Variants in DAZAP1 observed in about 807,000 individuals in gnomAD.
DAZAP1 encodes DAZ-associated protein 1.
Under a neutral mutation model 60.1 loss-of-function variants are expected in DAZAP1, and 6 were observed. That is an observed-to-expected ratio of 0.10 (90% CI 0.05 to 0.20). The LOEUF (loss-of-function observed/expected upper bound fraction) is 0.20, where lower values mean the gene tolerates loss of function less well. DAZAP1 is among the 10% of genes least tolerant of loss of function. The pLI is 1.00. For missense variants in DAZAP1, 366 were observed against 560.4 expected, an observed-to-expected ratio of 0.65 and a Z score of 3.50; for synonymous variants, 235 against 215.9, an observed-to-expected ratio of 1.09 and a Z score of -0.78.
intron 1 of DAZAP1, chr19:1,417,097 A>G (rs1395322953): frequency 9.0e-6 from 2 of 221,826 alleles, no homozygotes. Flanking sequence ...ACTGTGCATC[A>G]TTTCAGATGT....
At position 1,418,958 on chromosome 19, in the gene DAZAP1, C is replaced by T. The variant is rs907910822; in HGVS notation, c.303+227C>T. On this transcript the variant is annotated intron_variant, in intron 4 of 11. Transcript: ENST00000233078. This position sits in a 1 kb window ranked among gnomAD's most constrained non-coding sequence, Gnocchi z 5.7. ...CTTAGGGAAAAAAAAAATGACAGCT[C>T]ATGCCACTGATTATCAGGAGCCAGT... 6.6e-6 allele frequency among the ~76,000 whole-genome samples: 1 copy of T among 152,150 alleles called. No homozygotes were observed. The highest frequency in any genetic ancestry group is 1.5e-5 in the Non-Finnish European group (1 of 68,032).
chr19:1,421,074 T>G, intron 4 of DAZAP1, 74 bp from the exon 5 acceptor site: 1 of 1,382,828 alleles, frequency 7.2e-7, no homozygotes, highest in Non-Finnish European at 1.0e-6. Context: ...GGATTGGCCT[T>G]TATGTCCTCC....
chr19:1,422,311 C>G lies in DAZAP1; in HGVS notation c.415-37C>G, dbSNP rs2083181085. The G allele has an allele frequency of 1.9e-6, 3 of 1,603,002 alleles. No individual in the cohort carries two copies. In the Admixed American group the frequency reaches 5.0e-5, roughly 27 times the overall value. The stretch of plus-strand genomic sequence containing the variant: ...CTCGGAAGACCACCTGTGGTGCTGG[C>G]CCTGGTGTCCGTGCTGACGCCACCC... On this transcript the variant is annotated intron_variant, in intron 5 of 11. Transcript: ENST00000233078. This position sits in a 1 kb window ranked among gnomAD's most constrained non-coding sequence, Gnocchi z 4.5.
rs555021545 is a variant in DAZAP1 at position 1,432,329 on chromosome 19, G to C, written c.872-185G>C. On this transcript the variant is annotated intron_variant, in intron 10 of 11. Transcript: ENST00000233078. This position sits in a 1 kb window ranked among gnomAD's most constrained non-coding sequence, Gnocchi z 4.9. ...CGCTCCCAGGAGTGTGTGTTTCCTG[G>C]GGGGAGCGGCCCGGGACCGTGGCTC... is the stretch of plus-strand genomic sequence containing the variant. 3.0e-5 allele frequency: 20 copies of C among 656,380 alleles called. No homozygotes were observed. The highest frequency in any genetic ancestry group is 1.3e-4 in the East Asian group (5 of 37,556). 40.7% of individuals were successfully genotyped at this position (656,380 alleles called of 1,614,324 possible).
Position 1,434,496 on chromosome 19 carries a change from A to G in DAZAP1, c.1049-241A>G, listed in dbSNP as rs1014222771. 1.2e-5 allele frequency: 6 copies of G among 489,686 alleles called. No individual in the cohort carries two copies. The highest frequency in any genetic ancestry group is 2.2e-5 in the Non-Finnish European group (6 of 274,952). The allele number at this position is 489,686 out of a possible 1,614,324, so 30.3% of individuals were successfully genotyped here. On this transcript the variant is annotated intron_variant, in intron 11 of 11. Coordinates refer to ENST00000233078, the MANE Select transcript of DAZAP1 (RefSeq NM_018959.4). The surrounding 1 kb of genome is among the most constrained non-coding windows in gnomAD (Gnocchi z 8.0). Reference sequence around the variant, plus strand: ...GGGAAGCGGTGAGGTTACGTGGGCCATGGAGGGCTCTGGAAGCCGCTTTTC... The same window carrying G: ...GGGAAGCGGTGAGGTTACGTGGGCCGTGGAGGGCTCTGGAAGCCGCTTTTC...
chr19:1,431,886 C>T (rs1357031227), intron 10 of DAZAP1, among the ~76,000 whole-genome samples: 5 of 152,132 alleles, frequency 3.3e-5, no homozygotes, highest in African/African-American at 1.2e-4. Flanking sequence ...ACAATTGGGG[C>T]ATATCACAGT....
rs2082996517 is a variant in DAZAP1 at position 1,416,770 on chromosome 19, T to C, written c.30-730T>C. 6.6e-6 allele frequency: 1 copy of C among 152,508 alleles called. No individual in the cohort carries two copies. The highest frequency in any genetic ancestry group is 2.1e-4 in the South Asian group (1 of 4,858). 9.4% of individuals were successfully genotyped at this position (152,508 alleles called of 1,614,324 possible). ...CGCCTTGGGAGAGCTCCAGCTCTTCTGCCCGGAGGAGACAGCCCCAGGACG... is the reference window on the plus strand; with the variant it reads ...CGCCTTGGGAGAGCTCCAGCTCTTCCGCCCGGAGGAGACAGCCCCAGGACG... On this transcript the variant is annotated intron_variant, in intron 1 of 11. Transcript: ENST00000233078. The surrounding 1 kb of genome is among the most constrained non-coding windows in gnomAD (Gnocchi z 4.3).
Position 1,425,037 on chromosome 19 carries a change from T to A in DAZAP1, c.464-841T>A, listed in dbSNP as rs1188427633. Among the ~76,000 whole-genome samples, 1 of 152,158 alleles carries A rather than the reference T, an allele frequency of 6.6e-6. No individual in the cohort carries two copies. Among genetic ancestry groups the A allele is most frequent in the Non-Finnish European group, 1.5e-5 (1 of 68,006 alleles). ...ACTCTTGTGTTTGGGAAATGCTAAA[T>A]TTTTTTTGCCTTTAAAATTTTCTGT... On this transcript the variant is annotated intron_variant, in intron 6 of 11. Transcript: ENST00000233078. The surrounding 1 kb of genome is among the most constrained non-coding windows in gnomAD (Gnocchi z 5.4).
Position 1,408,287 on chromosome 19 carries a change from G to C in DAZAP1, c.29+485G>C, listed in dbSNP as rs574230126. Among the ~76,000 whole-genome samples, 6 of 152,062 alleles carry C rather than the reference G, an allele frequency of 3.9e-5. No individual in the cohort carries two copies. The South Asian group carries it at 1.2e-3, about 32-fold the overall frequency. ...GAGCGTCCCCGTTGCCGCCTGTAGG[G>C]CTTCCTGGCCTGGGGGACCCCGAAT... On this transcript the variant is annotated intron_variant, in intron 1 of 11. Transcript: ENST00000233078.
chr19:1,408,559 G>T (rs1174031401), intron 1 of DAZAP1, among the ~76,000 whole-genome samples: 2 of 152,150 alleles, frequency 1.3e-5, no homozygotes, highest in African/African-American at 2.4e-5. Context: ...TGGTAAGGTC[G>T]GGAGGGGTTC....
rs951975422 is a variant in DAZAP1 at position 1,408,250 on chromosome 19, T to TG, written c.29+455dup. On this transcript the variant is annotated intron_variant, in intron 1 of 11. Coordinates refer to ENST00000233078, the MANE Select transcript of DAZAP1 (RefSeq NM_018959.4). ...GTTGTGGCGGCCCCGAACGGGAACTTGGGGGGGTCTGGAGCGTCCCCGTTG... is the reference window on the plus strand; with the variant it reads ...GTTGTGGCGGCCCCGAACGGGAACTTGGGGGGGGTCTGGAGCGTCCCCGTTG... Among the ~76,000 whole-genome samples the TG allele has an allele frequency of 9.2e-5, 14 of 151,890 alleles. No homozygotes were observed. The South Asian group carries it at 2.1e-3, about 23-fold the overall frequency.
chr19:1,428,784 AGGGAAGGGGGTGCT>A lies in DAZAP1; in HGVS notation c.547-53_547-40del. The A allele has an allele frequency of 6.2e-7, 1 of 1,605,040 alleles. No homozygotes were observed. The highest frequency in any genetic ancestry group is 1.3e-5 in the African/African-American group (1 of 74,754). ...ATAAGTTACCCGAGGGTGTGTCTAA[AGGGAAGGGGGTGCT>A]GGGACCCGCAGCCTCGCCCTAAACC... On this transcript the variant is annotated intron_variant, in intron 7 of 11. Transcript: ENST00000233078. This position sits in a 1 kb window ranked among gnomAD's most constrained non-coding sequence, Gnocchi z 4.0.
intron 2 of DAZAP1, 23 bp downstream of exon 2, chr19:1,417,563 GTGGGTACTGCAGA>G (rs2083023974): frequency 6.3e-7 from 1 of 1,598,784 alleles, no homozygotes; most frequent in Non-Finnish European, 8.5e-7. Flanking sequence ...GGGGTGTCAG[GTGGGTACTGCAGA>G]TGGGCTCTAG....
chr19:1,409,216 C>A (rs1384729047), intron 1 of DAZAP1, among the ~76,000 whole-genome samples: 1 of 152,196 alleles, frequency 6.6e-6, no homozygotes, highest in Non-Finnish European at 1.5e-5. Flanking sequence ...AGGGATGGGC[C>A]TGAGCAGGGA....
chr19:1,434,146 G>A lies in DAZAP1; in HGVS notation c.1049-591G>A, dbSNP rs2083531801. On this transcript the variant is annotated intron_variant, in intron 11 of 11. Transcript: ENST00000233078. The surrounding 1 kb of genome is among the most constrained non-coding windows in gnomAD (Gnocchi z 8.0). ...AGACACCGCTGTCCATGCTCCTGAGGTCGGCTGTGTGGGCCGGACGGGCTG... is the reference window on the plus strand; with the variant it reads ...AGACACCGCTGTCCATGCTCCTGAGATCGGCTGTGTGGGCCGGACGGGCTG... 2 of 333,812 alleles carry A rather than the reference G, an allele frequency of 6.0e-6. No homozygotes were observed. Among genetic ancestry groups the A allele is most frequent in the Non-Finnish European group, 1.1e-5 (2 of 178,870 alleles). 20.7% of individuals were successfully genotyped at this position (333,812 alleles called of 1,614,324 possible).
chr19:1,417,662 C>G, intron 2 of DAZAP1, 122 bp downstream of exon 2: 1 of 937,766 alleles, frequency 1.1e-6, no homozygotes, highest in Non-Finnish European at 1.6e-6. Context: ...TGACGTTGTT[C>G]TGATTTCTGG....
chr19:1,414,971 C>T (rs956563105), intron 1 of DAZAP1, among the ~76,000 whole-genome samples: 5 of 151,930 alleles, frequency 3.3e-5, no homozygotes, highest in African/African-American at 1.2e-4. Flanking sequence ...CAGGTGCCTG[C>T]CACCACCTGG....
At position 1,435,296 on chromosome 19, in the gene DAZAP1, AAG is replaced by A. The variant is rs1314606037; in HGVS notation, c.*388_*389del. 1 of 153,362 alleles carries A rather than the reference AAG, an allele frequency of 6.5e-6. No individual in the cohort carries two copies. Among genetic ancestry groups the A allele is most frequent in the Non-Finnish European group, 1.5e-5 (1 of 68,632 alleles). 9.5% of individuals were successfully genotyped at this position (153,362 alleles called of 1,614,324 possible). A position where few individuals can be genotyped will look rare whatever the true frequency, so the allele number is the denominator to read the frequency against. On this transcript the variant is annotated 3_prime_UTR_variant, in exon 12 of 12. Transcript: ENST00000233078. ...TACATTTACAAATTGTGAGATTTTT[AAG>A]AGAAATTTTCTACGATGTATACTGG...
chr19:1,417,040 CG>C, intron 1 of DAZAP1: 1 of 180,220 alleles, frequency 5.5e-6, no homozygotes, highest in South Asian at 1.1e-4. Context: ...CCCCCACCCC[CG>C]CCCCAGGCTG....
Sources: gnomAD v4.1 joint callset for allele counts (sites outside exome capture counted in the v4.1 genomes callset) on GRCh38, gnomAD v4.1.1 for gene constraint, Gnocchi (gnomAD v3.1) non-coding constraint, MANE v1.5 for transcripts, NCBI Gene and HGNC (gene_info 2026-07-23, HGNC 2026-07-21) for gene names.